Variants in SSH3 observed in about 807,000 individuals in gnomAD.
SSH3 encodes protein phosphatase Slingshot homolog 3.
In SSH3, 67 loss-of-function variants were observed where a neutral mutation model predicts 75.0. The observed-to-expected ratio is 0.89, with a 90% CI of 0.73 to 1.10. SSH3 has a LOEUF of 1.10. Among genes scored for constraint, SSH3 ranks in the 50% least tolerant of loss-of-function variants. The pLI is 0.00. For synonymous variants in SSH3, 318 were observed against 349.2 expected, an observed-to-expected ratio of 0.91 and a Z score of 1.00; for missense variants, 824 against 872.7, an observed-to-expected ratio of 0.94 and a Z score of 0.70.
Position 67,308,558 on chromosome 11 carries a change from C to T in SSH3, c.1061+100C>T, listed in dbSNP as rs530564082. On this transcript the variant is annotated intron_variant, in intron 10 of 13. Transcript: ENST00000308127. The surrounding 1 kb of genome is among the most constrained non-coding windows in gnomAD (Gnocchi z 4.9). ...GCTTCAAAAACCCCTGGACCACCCT[C>T]AGCAGCTGCTAGCTCTGCTTCTAAC... 86 of 1,465,628 alleles carry T rather than the reference C, an allele frequency of 5.9e-5. No homozygotes were observed. The African/African-American group carries it at 1.1e-3, about 19-fold the overall frequency. 90.8% of individuals were successfully genotyped at this position (1,465,628 alleles called of 1,614,324 possible). A position where few individuals can be genotyped will look rare whatever the true frequency, so the allele number is the denominator to read the frequency against.
chr11:67,311,755 C>T lies in SSH3; in HGVS notation c.1848C>T (p.Thr616=), dbSNP rs762122642. The T allele has an allele frequency of 5.0e-6, 8 of 1,613,708 alleles. No homozygotes were observed. Among genetic ancestry groups the T allele is most frequent in the African/African-American group, 2.7e-5 (2 of 74,870 alleles). ...GCAGTGCCGTGGTGGCCAACCGGAC[C>T]CAGGCCTTCCAGGAGCAGGAGCAGG... ...LQGSAVVANR[T]QAFQEQEQGQ... The change falls in exon 14 of 14, where the codon ACC becomes ACT. Residue 616 remains threonine (T), a synonymous_variant. Coordinates refer to ENST00000308127, the MANE Select transcript of SSH3 (RefSeq NM_017857.4).
At chr11:67,305,105 T>A in intron 3 of SSH3, 98 bp downstream of exon 3, 1 of 1,228,398 alleles carries the variant, frequency 8.1e-7, no homozygotes, top group South Asian at 1.4e-5. Flanking sequence ...AGCAATGGTG[T>A]GAGGGCAGGG....
rs752356118 is a variant in SSH3, at chr11:67,306,862, C to T, written c.364C>T (p.Pro122Ser). 1.1e-5 allele frequency: 17 copies of T among 1,612,676 alleles called. No homozygotes were observed. Among genetic ancestry groups the T allele is most frequent in the Non-Finnish European group, 1.4e-5 (16 of 1,179,118 alleles). Residue 122 changes from proline to serine, a missense_variant, in exon 4 of 14, where the codon CCT (proline) becomes TCT (serine). By Grantham distance (74) the Pro-to-Ser change is moderately conservative. Transcript: ENST00000308127. ...RLAAQLEAPR[P>S]PRLRYLLVVS... ...GGCAGCCCAGCTGGAGGCACCCCGG[C>T]CTCCCCGGCTCCGCTACCTGCTGGT... is the stretch of plus-strand genomic sequence containing the variant.
At position 67,307,899 on chromosome 11, in the gene SSH3, T is replaced by C. The variant is rs768877012; in HGVS notation, c.845T>C (p.Val282Ala). ...EQAIRAELWK[V>A]LDVSDLESVT... ...GCGATCCGTGCTGAGCTGTGGAAAGTGTTGGATGTCAGTGACCTGGAGAGT... is the reference window on the plus strand; with the variant it reads ...GCGATCCGTGCTGAGCTGTGGAAAGCGTTGGATGTCAGTGACCTGGAGAGT... Residue 282 changes from valine (V) to alanine (A), a missense_variant, in exon 8 of 14, where the codon GTG becomes GCG. By Grantham distance (64) the Val-to-Ala change is moderately conservative. Transcript: ENST00000308127. The surrounding 1 kb of genome is among the most constrained non-coding windows in gnomAD (Gnocchi z 4.2). 1 of 1,614,052 alleles carries C rather than the reference T, an allele frequency of 6.2e-7. No individual in the cohort carries two copies. Among genetic ancestry groups the C allele is most frequent in the Admixed American group, 1.7e-5 (1 of 60,022 alleles).
chr11:67,310,994 A>G (rs1861394917), intron 13 of SSH3, among the ~76,000 whole-genome samples: 1 of 152,216 alleles, frequency 6.6e-6, no homozygotes, highest in African/African-American at 2.4e-5. Flanking sequence ...TGCTGCGGGC[A>G]CAAGCCTAAG....
chr11:67,309,221 T>G, intron 10 of SSH3, 176 bp from the exon 11 acceptor site: 1 of 709,296 alleles, frequency 1.4e-6, no homozygotes. Flanking sequence ...GGCAAGATGA[T>G]TGGTCTAAGG....
chr11:67,312,461 G>A lies in SSH3; in HGVS notation c.*574G>A, dbSNP rs1054233237. ...TTGCTGCTGTCCCCAGACCTCCTGT[G>A]ACACCACGCCAGATCACAGGGCACC... On this transcript the variant is annotated 3_prime_UTR_variant, in exon 14 of 14. Coordinates refer to ENST00000308127, the MANE Select transcript of SSH3 (RefSeq NM_017857.4). 5.0e-5 allele frequency: 8 copies of A among 158,518 alleles called. No individual in the cohort carries two copies. The highest frequency in any genetic ancestry group is 1.9e-4 in the African/African-American group (8 of 41,470). 9.8% of individuals were successfully genotyped at this position (158,518 alleles called of 1,614,324 possible).
Position 67,304,866 on chromosome 11 carries a change from G to T in SSH3, c.198G>T (p.Glu66Asp). 6.2e-7 allele frequency: 1 copy of T among 1,613,890 alleles called. No individual in the cohort carries two copies. The highest frequency in any genetic ancestry group is 1.3e-5 in the African/African-American group (1 of 75,046). Residue 66 changes from glutamate to aspartate, a missense_variant, in exon 3 of 14, where the codon GAG (glutamate) becomes GAT (aspartate). Transcript: ENST00000308127. ...DAAEASSEPT[E>D]KAPSEEELHG... ...CAGAGGCCAGTTCTGAGCCAACAGA[G>T]AAGGCCCCGAGTGAGGAGGAGCTCC... is the stretch of plus-strand genomic sequence containing the variant.
intron 13 of SSH3, among the ~76,000 whole-genome samples, chr11:67,311,152 G>A (rs1019625398): frequency 6.6e-6 from 1 of 152,190 alleles, no homozygotes; most frequent in Non-Finnish European, 1.5e-5. Flanking sequence ...TTGATGGGCG[G>A]GTGTGGGCGT....
At chr11:67,311,380 G>A (rs903882833) in intron 13 of SSH3, among the ~76,000 whole-genome samples, 4 of 152,130 alleles carry the variant, frequency 2.6e-5, no homozygotes, top group Admixed American at 6.5e-5. Context: ...TTCAAGGAGC[G>A]GGGCAGCAGG....
At chr11:67,306,526 C>G (rs905479471) in intron 3 of SSH3, among the ~76,000 whole-genome samples, 1 of 151,878 alleles carries the variant, frequency 6.6e-6, no homozygotes, top group Admixed American at 6.6e-5. Context: ...ATGTGAGCCT[C>G]GGAGTTCGGG....
In SSH3 at chr11:67,307,846, G is replaced by T; in HGVS notation, c.792G>T (p.Gly264=). Residue 264 remains glycine (G), a splice_region_variant and synonymous_variant, in exon 8 of 14, where the codon GGG becomes GGT. Transcript: ENST00000308127. This position sits in a 1 kb window ranked among gnomAD's most constrained non-coding sequence, Gnocchi z 4.2. The part of the protein sequence containing the change: ...SLRPPSAEPG[G]SSEQEQMEQA... Reference sequence around the variant, plus strand: ...CTTGACTGAGGGGCTCTGCTCCCAGGTCCTCAGAACAGGAGCAGATGGAGC... The same window carrying T: ...CTTGACTGAGGGGCTCTGCTCCCAGTTCCTCAGAACAGGAGCAGATGGAGC... 1 of 1,614,220 alleles carries T rather than the reference G, an allele frequency of 6.2e-7. No homozygotes were observed. The highest frequency in any genetic ancestry group is 8.5e-7 in the Non-Finnish European group (1 of 1,180,034).
Position 67,312,007 on chromosome 11 carries a change from A to G in SSH3, c.*120A>G, listed in dbSNP as rs4623908. On this transcript the variant is annotated 3_prime_UTR_variant, in exon 14 of 14. Coordinates refer to ENST00000308127, the MANE Select transcript of SSH3 (RefSeq NM_017857.4). ...AGCTCCGCCCCATACCCGTCACTAC[A>G]GCCTCACCTCCCACCCCTGTCACTA... 7.4e-7 allele frequency: 1 copy of G among 1,342,798 alleles called. No homozygotes were observed. Among genetic ancestry groups the G allele is most frequent in the Non-Finnish European group, 1.0e-6 (1 of 1,001,878 alleles). 83.2% of individuals were successfully genotyped at this position (1,342,798 alleles called of 1,614,324 possible). A position where few individuals can be genotyped will look rare whatever the true frequency, so the allele number is the denominator to read the frequency against.
In SSH3 at chr11:67,307,338, A is replaced by G; in HGVS notation, c.537-33A>G. The G allele has an allele frequency of 6.2e-7, 1 of 1,612,918 alleles. No individual in the cohort carries two copies. The highest frequency in any genetic ancestry group is 8.5e-7 in the Non-Finnish European group (1 of 1,179,820). On this transcript the variant is annotated intron_variant, in intron 5 of 13. Transcript: ENST00000308127. The surrounding 1 kb of genome is among the most constrained non-coding windows in gnomAD (Gnocchi z 4.2). ...ATGGGTTCTCTGTCGCAGAGCCTGG[A>G]GTCTGGCCTCACCTGTGCCTGGTCT...
rs1295960164 is a variant in SSH3, at chr11:67,307,630, G to A, written c.684G>A (p.Trp228Ter). 9.9e-6 allele frequency: 16 copies of A among 1,613,832 alleles called. No homozygotes were observed. Among genetic ancestry groups the A allele is most frequent in the Non-Finnish European group, 1.2e-5 (14 of 1,180,048 alleles). ...GLVPGGSALT[W>*]ASHYQERLNS... ...TACCGGGTGGCAGTGCCCTCACCTGGGCCAGCCACTACCAGGAGAGACTGA... is the reference window on the plus strand; with the variant it reads ...TACCGGGTGGCAGTGCCCTCACCTGAGCCAGCCACTACCAGGAGAGACTGA... The change falls in exon 7 of 14, where the codon TGG (tryptophan) becomes TGA (stop). Residue 228 changes from tryptophan to a stop codon, truncating the protein, a stop_gained. Transcript: ENST00000308127. LOFTEE classifies it high-confidence loss of function. This position sits in a 1 kb window ranked among gnomAD's most constrained non-coding sequence, Gnocchi z 4.2.
Position 67,307,409 on chromosome 11 carries a change from T to C in SSH3, c.575T>C (p.Phe192Ser), listed in dbSNP as rs756397595. Residue 192 changes from phenylalanine (F) to serine (S), a missense_variant, in exon 6 of 14, where the codon TTC becomes TCC. Transcript: ENST00000308127. This position sits in a 1 kb window ranked among gnomAD's most constrained non-coding sequence, Gnocchi z 4.2. ...SVTSGGQSRI[F>S]KPISIQTMWA... is the part of the protein sequence containing the mutation. ...ACGTCTGGTGGGCAAAGCCGGATCT[T>C]CAAGCCCATCTCCATCCAGACCATG... 2.3e-5 allele frequency: 37 copies of C among 1,613,976 alleles called. No homozygotes were observed. Among genetic ancestry groups the C allele is most frequent in the Non-Finnish European group, 2.9e-5 (34 of 1,180,038 alleles).
In SSH3 at chr11:67,306,871, C is replaced by A. The variant is rs779237985; in HGVS notation, c.373C>A (p.Leu125Ile). 1.2e-5 allele frequency: 19 copies of A among 1,613,180 alleles called. No homozygotes were observed. The highest frequency in any genetic ancestry group is 1.7e-6 in the Non-Finnish European group (2 of 1,179,486). Residue 125 changes from leucine (L) to isoleucine (I), a missense_variant, in exon 4 of 14, where the codon CTC (leucine) becomes ATC (isoleucine). By Grantham distance (5) the Leu-to-Ile change is conservative (BLOSUM62 2). Transcript: ENST00000308127. ...GCTGGAGGCACCCCGGCCTCCCCGG[C>A]TCCGCTACCTGCTGGTAGTTTCTAC... is the stretch of plus-strand genomic sequence containing the variant. Reference protein sequence around the residue: ...AQLEAPRPPRLRYLLVVSTRE... With the variant: ...AQLEAPRPPRIRYLLVVSTRE...
chr11:67,308,549 G>C lies in SSH3; in HGVS notation c.1061+91G>C. 1.3e-6 allele frequency: 2 copies of C among 1,501,964 alleles called. No homozygotes were observed. The highest frequency in any genetic ancestry group is 2.4e-5 in the South Asian group (2 of 82,482). 93.0% of individuals were successfully genotyped at this position (1,501,964 alleles called of 1,614,324 possible). ...TGGTAGCCAGCTTCAAAAACCCCTG[G>C]ACCACCCTCAGCAGCTGCTAGCTCT... On this transcript the variant is annotated intron_variant, in intron 10 of 13. Transcript: ENST00000308127. This position sits in a 1 kb window ranked among gnomAD's most constrained non-coding sequence, Gnocchi z 4.9.
chr11:67,309,892 G>T lies in SSH3; in HGVS notation c.1333G>T (p.Glu445Ter). ...GGAGCAGGCCCTGCGCCACGTGCAG[G>T]AGCTCCGGCCCATCGCCCGCCCCAA... ...SLEQALRHVQELRPIARPNPG... is the reference protein window; with the variant it reads ...SLEQALRHVQ The change falls in exon 12 of 14, where the codon GAG (glutamate) becomes TAG (stop). Residue 445 changes from glutamate (E) to a stop codon, truncating the protein, a stop_gained. Coordinates refer to ENST00000308127, the MANE Select transcript of SSH3 (RefSeq NM_017857.4). LOFTEE classifies it high-confidence loss of function. 7 of 1,611,982 alleles carry T rather than the reference G, an allele frequency of 4.3e-6. No homozygotes were observed. Among genetic ancestry groups the T allele is most frequent in the Non-Finnish European group, 5.9e-6 (7 of 1,179,972 alleles).
Sources: gnomAD v4.1 joint callset for allele counts (sites outside exome capture counted in the v4.1 genomes callset) on GRCh38, gnomAD v4.1.1 for gene constraint, Gnocchi (gnomAD v3.1) non-coding constraint, MANE v1.5 for transcripts, NCBI Gene and HGNC (gene_info 2026-07-23, HGNC 2026-07-21) for gene names.